RALYL: variants seen among roughly 807,000 people sequenced by gnomAD.
The protein encoded by RALYL is RNA-binding Raly-like protein.
In RALYL, 29 loss-of-function variants were observed where a neutral mutation model predicts 35.1. The ratio of observed to expected loss-of-function variants is 0.83; its 90% CI spans 0.61 to 1.13. The LOEUF is 1.13. RALYL is among the 50% of genes most tolerant of loss of function. The probability of loss-of-function intolerance (pLI) is 0.00; values close to 1 mark genes in which losing one functional copy is unlikely to be tolerated. For missense variants in RALYL, 359 were observed against 360.4 expected, an observed-to-expected ratio of 1.00 and a Z score of 0.03; for synonymous variants, 120 against 127.6, an observed-to-expected ratio of 0.94 and a Z score of 0.40.
chr8:84,798,264 C>A (rs577974275), intron 3 of RALYL, among the ~76,000 whole-genome samples: 171 of 152,058 alleles, frequency 1.1e-3, no homozygotes, highest in Middle Eastern at 3.4e-3. Context: ...TATTCCCCAA[C>A]CTGAACTCTC....
At chr8:84,213,316 G>T (rs1032725106) in intron 1 of RALYL, among the ~76,000 whole-genome samples, 2 of 151,990 alleles carry the variant, frequency 1.3e-5, no homozygotes, top group African/African-American at 2.4e-5. Flanking sequence ...GCTTGAACCC[G>T]GGAGACAGAG....
chr8:84,702,323 A>G (rs1247672181), intron 2 of RALYL, among the ~76,000 whole-genome samples: 1 of 152,144 alleles, frequency 6.6e-6, no homozygotes, highest in African/African-American at 2.4e-5. Flanking sequence ...CACTTAATTC[A>G]GCCCTAAATC....
chr8:84,694,665 G>A (rs1175977630), intron 2 of RALYL, among the ~76,000 whole-genome samples: 2 of 151,736 alleles, frequency 1.3e-5, no homozygotes, highest in Admixed American at 6.6e-5. Flanking sequence ...TGAACAAAAA[G>A]AACACAGCTG....
At chr8:84,652,745 T>C (rs1829106059) in intron 2 of RALYL, among the ~76,000 whole-genome samples, 1 of 152,064 alleles carries the variant, frequency 6.6e-6, no homozygotes, top group African/African-American at 2.4e-5. Context: ...ACCAAAACTT[T>C]TGTCCAATCT....
In RALYL at chr8:84,520,256, T is replaced by G. The variant is rs181576964; in HGVS notation, c.-23-9043T>G. On this transcript the variant is annotated intron_variant, in intron 1 of 8. Transcript: ENST00000521268. The stretch of plus-strand genomic sequence containing the variant: ...CAGTGTATTTAGACAATATGTATGA[T>G]TTAAGCTTTGTTTTGCAGAGGAAAA... Among the ~76,000 whole-genome samples, 343 of 152,318 alleles carry G rather than the reference T, an allele frequency of 2.3e-3. 3 individuals carry two copies. Among genetic ancestry groups the G allele is most frequent in the Admixed American group, 0.02 (310 of 15,304 alleles).
chr8:84,186,381 A>G (rs1196733301), intron 1 of RALYL, among the ~76,000 whole-genome samples: 1 of 152,214 alleles, frequency 6.6e-6, no homozygotes, highest in Non-Finnish European at 1.5e-5. Flanking sequence ...CAATTATAAC[A>G]ATGTATGTAC....
At position 84,914,751 on chromosome 8, in the gene RALYL, AC is replaced by A. The variant is rs781556790; in HGVS notation, c.859-6142del. ...TAAAATGATTTTTAATTAGTTCAAA[AC>A]AGAACTTAAAAAAAATTTAGACAGA... is the stretch of plus-strand genomic sequence containing the variant. On this transcript the variant is annotated intron_variant, in intron 8 of 8. Transcript: ENST00000521268. Among the ~76,000 whole-genome samples the A allele has an allele frequency of 4.6e-5, 7 of 152,038 alleles. No homozygotes were observed. In the South Asian group the frequency reaches 6.2e-4, roughly 13 times the overall value.
At chr8:84,399,988 A>C (rs2042728699) in intron 1 of RALYL, among the ~76,000 whole-genome samples, 1 of 152,174 alleles carries the variant, frequency 6.6e-6, no homozygotes, top group African/African-American at 2.4e-5. Flanking sequence ...ATGGCGGCAC[A>C]TGCCTGTAAC....
intron 1 of RALYL, among the ~76,000 whole-genome samples, chr8:84,317,061 A>C (rs1414951269): frequency 6.6e-6 from 1 of 151,312 alleles, no homozygotes; most frequent in Non-Finnish European, 1.5e-5. Context: ...TACTCAACAT[A>C]ATGATCCCAT....
chr8:84,413,024 T>C (rs1447570806), intron 1 of RALYL, among the ~76,000 whole-genome samples: 1 of 151,666 alleles, frequency 6.6e-6, no homozygotes, highest in Non-Finnish European at 1.5e-5. Context: ...GAAAAAAGAA[T>C]AAAAGTTTTC....
intron 5 of RALYL, among the ~76,000 whole-genome samples, chr8:84,854,052 A>G (rs1836439419): frequency 6.6e-6 from 1 of 152,198 alleles, no homozygotes; most frequent in South Asian, 2.1e-4. Flanking sequence ...AACAGTAACC[A>G]TTAACAATAA....
chr8:84,315,686 C>A (rs181899420), intron 1 of RALYL, among the ~76,000 whole-genome samples: 330 of 152,006 alleles, frequency 2.2e-3, no homozygotes, highest in Non-Finnish European at 4.0e-3. Flanking sequence ...TATTGAAGTA[C>A]AATGAGAATT....
At chr8:84,862,522 T>A in intron 6 of RALYL, 69 bp downstream of exon 6, 1 of 1,208,356 alleles carries the variant, frequency 8.3e-7, no homozygotes, top group African/African-American at 1.6e-5. Flanking sequence ...CACGAATGCC[T>A]ATATTCAATA....
intron 1 of RALYL, among the ~76,000 whole-genome samples, chr8:84,289,871 G>A (rs1168861991): frequency 6.6e-6 from 1 of 152,100 alleles, no homozygotes; most frequent in Admixed American, 6.6e-5. Flanking sequence ...TGTACCAAGA[G>A]CTAATGAAAC....
intron 8 of RALYL, among the ~76,000 whole-genome samples, chr8:84,915,608 A>G (rs754479734): frequency 3.3e-5 from 5 of 152,110 alleles, no homozygotes; most frequent in Admixed American, 6.6e-5. Context: ...ACACAGCTAC[A>G]TATTCATTGG....
chr8:84,763,649 A>G (rs971784721), intron 2 of RALYL, among the ~76,000 whole-genome samples: 1 of 152,206 alleles, frequency 6.6e-6, no homozygotes, highest in African/African-American at 2.4e-5. Flanking sequence ...TCTTGATAAA[A>G]TATACCTCCT....
chr8:84,915,623 G>T (rs1263849370), intron 8 of RALYL, among the ~76,000 whole-genome samples: 7 of 152,034 alleles, frequency 4.6e-5, no homozygotes, highest in African/African-American at 1.7e-4. Context: ...CATTGGCCAT[G>T]ATTACTGTAA....
intron 4 of RALYL, among the ~76,000 whole-genome samples, chr8:84,809,466 G>A (rs1383156702): frequency 6.6e-6 from 1 of 152,024 alleles, no homozygotes; most frequent in Non-Finnish European, 1.5e-5. Flanking sequence ...GTCCTTTCCT[G>A]GTTTTGGTAT....
intron 2 of RALYL, among the ~76,000 whole-genome samples, chr8:84,711,934 A>G (rs1842249934): frequency 6.6e-6 from 1 of 152,186 alleles, no homozygotes. Context: ...ATTACTTCAT[A>G]TCTTAAGTGT....
Sources: allele counts gnomAD v4.1 joint callset (sites outside exome capture counted in the v4.1 genomes callset), GRCh38; gene constraint gnomAD v4.1.1; transcripts MANE v1.5; gene names NCBI Gene and HGNC (gene_info 2026-07-23, HGNC 2026-07-21).